Variants in ROR1 observed in about 807,000 individuals in gnomAD.
ROR1 encodes the protein inactive tyrosine-protein kinase transmembrane receptor ROR1.
Under a neutral mutation model 78.8 loss-of-function variants are expected in ROR1, and 19 were observed. That is an observed-to-expected ratio of 0.24 (90% CI 0.17 to 0.35). ROR1 has a LOEUF of 0.35. ROR1 is among the 10% of genes least tolerant of loss of function. The pLI is 1.00. For missense variants in ROR1, 917 were observed against 1,177.8 expected (o/e 0.78, Z 3.24); for synonymous variants, 386 against 433.6 (o/e 0.89, Z 1.36).
intron 1 of ROR1, among the ~76,000 whole-genome samples, chr1:63,805,531 CTAGCCAGAG>C (rs1644823346): frequency 2.6e-5 from 4 of 152,192 alleles, no homozygotes; most frequent in African/African-American, 9.7e-5. Flanking sequence ...TGGAGTGAAA[CTAGCCAGAG>C]TGTAAGAGAG....
chr1:63,774,259 G>A lies in ROR1; in HGVS notation c.-159G>A, dbSNP rs548687012. The A allele has an allele frequency of 5.1e-4, 163 of 318,646 alleles. No homozygotes were observed. The highest frequency in any genetic ancestry group is 3.5e-3 in the African/African-American group (157 of 44,486). The allele number at this position is 318,646 out of a possible 1,614,324, so 19.7% of individuals were successfully genotyped here. A position where few individuals can be genotyped will look rare whatever the true frequency, so the allele number is the denominator to read the frequency against. On this transcript the variant is annotated 5_prime_UTR_variant, in exon 1 of 9. Transcript: ENST00000371079. This position sits in a 1 kb window ranked among gnomAD's most constrained non-coding sequence, Gnocchi z 5.7. ...CATCCAGAGGCGGCCAGGCGGAGGC[G>A]AGGGAGCAGGTTAGAGGGACAAAGA...
At chr1:63,779,260 A>T (rs2100218011) in intron 1 of ROR1, among the ~76,000 whole-genome samples, 1 of 152,356 alleles carries the variant, frequency 6.6e-6, no homozygotes, top group East Asian at 1.9e-4. Flanking sequence ...CTTGGTGGAC[A>T]ACTGTGGTTG....
intron 1 of ROR1, among the ~76,000 whole-genome samples, chr1:63,963,666 A>C (rs1397286308): frequency 6.6e-6 from 1 of 152,182 alleles, no homozygotes; most frequent in African/African-American, 2.4e-5. Context: ...TTCCAGTGTA[A>C]GAAAAGCTAC....
chr1:64,013,382 C>A (rs1646492758), intron 2 of ROR1, among the ~76,000 whole-genome samples: 1 of 152,034 alleles, frequency 6.6e-6, no homozygotes, highest in Non-Finnish European at 1.5e-5. Flanking sequence ...ATGGTCTTAC[C>A]CCTACTGACT....
chr1:63,931,560 G>A (rs148171826), intron 1 of ROR1, among the ~76,000 whole-genome samples: 3 of 152,272 alleles, frequency 2.0e-5, no homozygotes, highest in Non-Finnish European at 4.4e-5. Context: ...ACAACTTCTA[G>A]GTTTAAAATT....
intron 4 of ROR1, among the ~76,000 whole-genome samples, chr1:64,131,040 T>C (rs1648895983): frequency 2.6e-5 from 4 of 152,160 alleles, no homozygotes; most frequent in African/African-American, 9.7e-5. Flanking sequence ...TGGGAAAGCA[T>C]TAGTAAGTTG....
intron 4 of ROR1, among the ~76,000 whole-genome samples, chr1:64,079,470 A>AT (rs71056020): frequency 0.36 from 51,999 of 146,130 alleles, 10,229 homozygotes; most frequent in East Asian, 0.58. Flanking sequence ...CTTGATTGGG[A>AT]TTTTTTTTTT....
intron 1 of ROR1, among the ~76,000 whole-genome samples, chr1:63,886,637 C>T (rs1645359412): frequency 6.6e-6 from 1 of 152,148 alleles, no homozygotes; most frequent in South Asian, 2.1e-4. Flanking sequence ...TGCATCTTCT[C>T]CTTCAGAATG....
chr1:63,795,454 A>C (rs990330565), intron 1 of ROR1, among the ~76,000 whole-genome samples: 1 of 152,182 alleles, frequency 6.6e-6, no homozygotes, highest in Non-Finnish European at 1.5e-5. Flanking sequence ...ATCCTGTCGA[A>C]ACCTTGAAAA....
intron 1 of ROR1, among the ~76,000 whole-genome samples, chr1:63,983,877 T>G (rs1361723320): frequency 6.6e-6 from 1 of 152,136 alleles, no homozygotes; most frequent in Non-Finnish European, 1.5e-5. Context: ...TAAATAATGC[T>G]TCCTTGCCAG....
intron 1 of ROR1, among the ~76,000 whole-genome samples, chr1:63,847,510 A>G (rs1189517116): frequency 6.6e-6 from 1 of 152,120 alleles, no homozygotes; most frequent in Non-Finnish European, 1.5e-5. Flanking sequence ...AGGTGGTGGT[A>G]GAGGCTTCCT....
intron 2 of ROR1, among the ~76,000 whole-genome samples, chr1:64,043,824 C>T (rs1646763369): frequency 6.6e-6 from 1 of 152,104 alleles, no homozygotes; most frequent in Non-Finnish European, 1.5e-5. Flanking sequence ...TCTCAGTTTC[C>T]TTATCTCTAA....
chr1:63,972,152 T>C (rs149776917), intron 1 of ROR1, among the ~76,000 whole-genome samples: 1 of 152,336 alleles, frequency 6.6e-6, no homozygotes, highest in African/African-American at 2.4e-5. Flanking sequence ...TGTTTTCCCT[T>C]TCTATATTTG....
At chr1:63,841,643 TAC>T (rs1263497031) in intron 1 of ROR1, among the ~76,000 whole-genome samples, 1 of 152,204 alleles carries the variant, frequency 6.6e-6, no homozygotes. Context: ...GGATTAGCAT[TAC>T]ACAAGTAACC....
intron 4 of ROR1, among the ~76,000 whole-genome samples, chr1:64,079,409 C>A (rs17126129): frequency 0.15 from 22,455 of 151,830 alleles, 1,761 homozygotes; most frequent in Middle Eastern, 0.2. Context: ...AAATAGATAG[C>A]AGCCAATTTT....
chr1:64,134,335 C>G (rs1310775116), intron 4 of ROR1, among the ~76,000 whole-genome samples: 1 of 152,122 alleles, frequency 6.6e-6, no homozygotes, highest in Admixed American at 6.6e-5. Context: ...GCTGATTTAA[C>G]TAAGAGTAGT....
At chr1:64,010,290 A>G (rs545539535) in intron 2 of ROR1, among the ~76,000 whole-genome samples, 10 of 151,210 alleles carry the variant, frequency 6.6e-5, no homozygotes, top group East Asian at 3.9e-4. Flanking sequence ...CACATTTTCT[A>G]TATGATGTTA....
At chr1:63,805,912 G>A (rs12028601) in intron 1 of ROR1, among the ~76,000 whole-genome samples, 1 of 152,188 alleles carries the variant, frequency 6.6e-6, no homozygotes, top group Non-Finnish European at 1.5e-5. Flanking sequence ...CCAAATACTA[G>A]GAAGGCTGAG....
chr1:64,147,955 T>C (rs1368171269), intron 7 of ROR1, among the ~76,000 whole-genome samples: 1 of 152,060 alleles, frequency 6.6e-6, no homozygotes, highest in Admixed American at 6.6e-5. Flanking sequence ...TCAGGGATGT[T>C]GCTAAATACA....
Sources: gnomAD v4.1 joint callset for allele counts (sites outside exome capture counted in the v4.1 genomes callset) on GRCh38, gnomAD v4.1.1 for gene constraint, Gnocchi (gnomAD v3.1) non-coding constraint, MANE v1.5 for transcripts, NCBI Gene and HGNC (gene_info 2026-07-23, HGNC 2026-07-21) for gene names.